The following EXT1 variants were observed in gnomAD, a reference collection of about 807,000 sequenced individuals.
EXT1 encodes exostosin glycosyltransferase 1.
Under a neutral mutation model 82.5 loss-of-function variants are expected in EXT1, and 20 were observed. The ratio of observed to expected loss-of-function variants is 0.24; its 90% CI spans 0.17 to 0.35. The LOEUF is 0.35. Among genes scored for constraint, EXT1 ranks in the 10% least tolerant of loss-of-function variants. The probability of loss-of-function intolerance (pLI) is 1.00; values close to 1 mark genes in which losing one functional copy is unlikely to be tolerated. For missense variants in EXT1, 757 were observed against 936.5 expected, an observed-to-expected ratio of 0.81 and a Z score of 2.50; for synonymous variants, 348 against 350.8, an observed-to-expected ratio of 0.99 and a Z score of 0.09.
intron 1 of EXT1, among the ~76,000 whole-genome samples, chr8:117,884,608 ACTTTT>A (rs1327266569): frequency 6.6e-6 from 1 of 152,118 alleles, no homozygotes; most frequent in Non-Finnish European, 1.5e-5. Context: ...CAGTCTCTAT[ACTTTT>A]CTTAACAGCA....
chr8:117,937,653 T>C (rs960845417), intron 1 of EXT1, among the ~76,000 whole-genome samples: 1 of 152,114 alleles, frequency 6.6e-6, no homozygotes, highest in Non-Finnish European at 1.5e-5. Context: ...GACTGTAAGG[T>C]TTTTCCCCTG....
intron 1 of EXT1, among the ~76,000 whole-genome samples, chr8:118,053,217 T>A (rs1816745741): frequency 6.6e-6 from 1 of 152,076 alleles, no homozygotes; most frequent in Non-Finnish European, 1.5e-5. Flanking sequence ...CACTGAAAAG[T>A]CCCATTGAAA....
chr8:117,836,024 C>T (rs970187090), intron 2 of EXT1, among the ~76,000 whole-genome samples: 30 of 152,320 alleles, frequency 2.0e-4, no homozygotes, highest in Non-Finnish European at 2.2e-4. Flanking sequence ...GGCAGCAGTT[C>T]GTGGACTTAA....
chr8:118,031,655 T>C (rs115944731), intron 1 of EXT1, among the ~76,000 whole-genome samples: 115 of 152,242 alleles, frequency 7.6e-4, no homozygotes, highest in African/African-American at 2.6e-3. Flanking sequence ...TTTTGAACTA[T>C]AGTGTCTCCT....
chr8:117,934,899 A>G (rs1294782365), intron 1 of EXT1, among the ~76,000 whole-genome samples: 11 of 152,130 alleles, frequency 7.2e-5, no homozygotes, highest in Admixed American at 7.2e-4. Context: ...TCTCAAAGCC[A>G]CTCCAGCCCT....
chr8:117,830,136 G>A (rs1812073967), intron 4 of EXT1, 94 bp downstream of exon 4: 2 of 1,547,192 alleles, frequency 1.3e-6, no homozygotes, highest in South Asian at 1.1e-5. Context: ...TGCCCCACTG[G>A]ACCAATCACA....
intron 1 of EXT1, among the ~76,000 whole-genome samples, chr8:117,957,494 C>T (rs1034525881): frequency 5.9e-5 from 9 of 152,166 alleles, no homozygotes; most frequent in East Asian, 1.9e-4. Flanking sequence ...GGAGCCCCAA[C>T]GGGAGACAGA....
At chr8:117,861,008 C>T (rs1188845106) in intron 1 of EXT1, among the ~76,000 whole-genome samples, 2 of 152,182 alleles carry the variant, frequency 1.3e-5, no homozygotes, top group Non-Finnish European at 2.9e-5. Flanking sequence ...TTTATGTGGG[C>T]TATAAAATTA....
intron 1 of EXT1, among the ~76,000 whole-genome samples, chr8:117,971,091 T>G (rs1247317888): frequency 6.6e-6 from 1 of 152,152 alleles, no homozygotes; most frequent in Non-Finnish European, 1.5e-5. Flanking sequence ...ACACCAGGTG[T>G]GCACATAGCT....
intron 1 of EXT1, among the ~76,000 whole-genome samples, chr8:118,048,325 C>T (rs1816655376): frequency 6.6e-6 from 1 of 152,180 alleles, no homozygotes; most frequent in South Asian, 2.1e-4. Context: ...CTCCAACCAT[C>T]CCACAAGGCA....
At chr8:117,908,585 G>A (rs564192204) in intron 1 of EXT1, among the ~76,000 whole-genome samples, 259 of 152,024 alleles carry the variant, frequency 1.7e-3, no homozygotes, top group Middle Eastern at 6.8e-3. Context: ...AGCCAAGATC[G>A]TGTCACTGCA....
chr8:117,845,481 C>CA (rs1473121721), intron 1 of EXT1, among the ~76,000 whole-genome samples: 4 of 151,752 alleles, frequency 2.6e-5, no homozygotes, highest in African/African-American at 4.9e-5. Flanking sequence ...GCTCATACTT[C>CA]AAGAGGGGTA....
At chr8:117,892,761 G>C (rs1004500376) in intron 1 of EXT1, among the ~76,000 whole-genome samples, 1 of 152,224 alleles carries the variant, frequency 6.6e-6, no homozygotes, top group Non-Finnish European at 1.5e-5. Context: ...AGTGGAGGTG[G>C]TAAGAACTGG....
At chr8:117,985,912 T>C in intron 1 of EXT1, among the ~76,000 whole-genome samples, 1 of 152,200 alleles carries the variant, frequency 6.6e-6, no homozygotes, top group Non-Finnish European at 1.5e-5. Context: ...CACTTTGTTT[T>C]CTCCCTGTGC....
intron 1 of EXT1, among the ~76,000 whole-genome samples, chr8:118,001,364 T>C (rs922828326): frequency 5.3e-5 from 8 of 152,132 alleles, no homozygotes; most frequent in African/African-American, 4.8e-5. Context: ...TTTGTATTTT[T>C]AGTAGAGACG....
chr8:118,059,930 C>T (rs1302080794), intron 1 of EXT1, among the ~76,000 whole-genome samples: 2 of 152,164 alleles, frequency 1.3e-5, no homozygotes, highest in Non-Finnish European at 2.9e-5. Flanking sequence ...TGCAGGTGAA[C>T]ACAGGGATGC....
At chr8:117,953,622 A>G (rs935350647) in intron 1 of EXT1, among the ~76,000 whole-genome samples, 2 of 151,952 alleles carry the variant, frequency 1.3e-5, no homozygotes, top group Non-Finnish European at 2.9e-5. Flanking sequence ...CTCTGCTCCC[A>G]TTTCAGATTA....
intron 1 of EXT1, among the ~76,000 whole-genome samples, chr8:118,074,862 A>G (rs183373399): frequency 6.6e-6 from 1 of 152,226 alleles, no homozygotes; most frequent in Non-Finnish European, 1.5e-5. Flanking sequence ...TGAGGGTCAC[A>G]GCTTGCTCTG....
At chr8:118,057,532 G>A (rs1435468665) in intron 1 of EXT1, among the ~76,000 whole-genome samples, 3 of 151,844 alleles carry the variant, frequency 2.0e-5, no homozygotes, top group Non-Finnish European at 2.9e-5. Flanking sequence ...CAACAAGAGC[G>A]AAACTCCATC....
Sources: gnomAD v4.1 joint callset for allele counts (sites outside exome capture counted in the v4.1 genomes callset) on GRCh38, gnomAD v4.1.1 for gene constraint, MANE v1.5 for transcripts, NCBI Gene and HGNC (gene_info 2026-07-23, HGNC 2026-07-21) for gene names.